Variants in VPS50 observed in about 807,000 individuals in gnomAD.
VPS50 encodes the protein VPS50 subunit of EARP/GARPII complex.
Under a neutral mutation model 139.7 loss-of-function variants are expected in VPS50, and 70 were observed. The observed-to-expected ratio is 0.50, with a 90% CI of 0.41 to 0.61. The LOEUF is 0.61. Among genes scored for constraint, VPS50 ranks in the 20% least tolerant of loss-of-function variants. The probability of loss-of-function intolerance (pLI) is 0.00; values close to 1 mark genes in which losing one functional copy is unlikely to be tolerated. For synonymous variants in VPS50, 365 were observed against 376.7 expected (o/e 0.97, Z 0.36); for missense variants, 921 against 1,133.7 (o/e 0.81, Z 2.69).
intron 10 of VPS50, among the ~76,000 whole-genome samples, chr7:93,271,902 T>C (rs1796022008): frequency 6.6e-6 from 1 of 151,806 alleles, no homozygotes. Flanking sequence ...GATTGGACTT[T>C]CAAATTACCT....
chr7:93,251,515 TG>T (rs1162930339), intron 2 of VPS50, among the ~76,000 whole-genome samples: 1 of 32,506 alleles, frequency 3.1e-5, no homozygotes, highest in Non-Finnish European at 5.8e-5. Flanking sequence ...TGGGGCTTAT[TG>T]GGGGGTGGGG....
At chr7:93,242,668 T>C (rs527678216) in intron 2 of VPS50, among the ~76,000 whole-genome samples, 16 of 152,114 alleles carry the variant, frequency 1.1e-4, no homozygotes, top group South Asian at 4.1e-4. Context: ...GCCTCACTTA[T>C]AACTGTAGGT....
intron 2 of VPS50, chr7:93,246,004 T>A: frequency 1.4e-6 from 1 of 707,946 alleles, no homozygotes; most frequent in Non-Finnish European, 2.4e-6. Flanking sequence ...ATGACTTTTG[T>A]AATACTGACT....
At chr7:93,295,706 TTTTC>T (rs1362028980) in intron 14 of VPS50, among the ~76,000 whole-genome samples, 11 of 152,126 alleles carry the variant, frequency 7.2e-5, no homozygotes, top group African/African-American at 9.7e-5. Flanking sequence ...CCATCTTTTT[TTTTC>T]TTTCTTTCTT....
intron 4 of VPS50, among the ~76,000 whole-genome samples, chr7:93,254,310 C>A (rs1312359946): frequency 2.0e-5 from 3 of 152,224 alleles, no homozygotes; most frequent in Non-Finnish European, 4.4e-5. Flanking sequence ...TGCTCTGTTG[C>A]CCAGGCTAGA....
At chr7:93,237,533 A>G (rs1165467919) in intron 1 of VPS50, among the ~76,000 whole-genome samples, 1 of 152,182 alleles carries the variant, frequency 6.6e-6, no homozygotes, top group Non-Finnish European at 1.5e-5. Flanking sequence ...GGTATATATC[A>G]CGTTTACATT....
intron 6 of VPS50, 132 bp from the exon 7 acceptor site, chr7:93,258,027 C>G (rs996400186): frequency 1.5e-5 from 9 of 581,808 alleles, no homozygotes; most frequent in Non-Finnish European, 2.7e-5. Flanking sequence ...GTACATTTGT[C>G]AAATAGTAGT....
intron 11 of VPS50, 95 bp from the exon 12 acceptor site, chr7:93,276,070 A>G (rs964766304): frequency 1.3e-5 from 15 of 1,156,454 alleles, no homozygotes; most frequent in African/African-American, 3.1e-5. Flanking sequence ...TGTAACTATT[A>G]TTTGAAAAGA....
At chr7:93,316,206 T>G (rs1037868868) in intron 20 of VPS50, among the ~76,000 whole-genome samples, 2 of 152,168 alleles carry the variant, frequency 1.3e-5, no homozygotes, top group African/African-American at 2.4e-5. Flanking sequence ...TTTGCTGGAA[T>G]GTAAGAAACA....
chr7:93,275,951 C>T (rs1584416464), intron 11 of VPS50: 1 of 511,518 alleles, frequency 2.0e-6, no homozygotes, highest in East Asian at 3.0e-5. Flanking sequence ...TCACGAGTCA[C>T]ATTTATTTTG....
chr7:93,328,793 G>T (rs1370993938), intron 21 of VPS50, among the ~76,000 whole-genome samples: 1 of 152,156 alleles, frequency 6.6e-6, no homozygotes, highest in Non-Finnish European at 1.5e-5. Context: ...ACTGAAAATA[G>T]TGGAGGACGC....
intron 22 of VPS50, among the ~76,000 whole-genome samples, chr7:93,338,869 A>G (rs1170234433): frequency 6.6e-6 from 1 of 152,144 alleles, no homozygotes; most frequent in East Asian, 1.9e-4. Flanking sequence ...CTCTCTATTC[A>G]TGGGCTTTTA....
At chr7:93,344,171 G>A (rs573461541) in intron 23 of VPS50, among the ~76,000 whole-genome samples, 2 of 152,186 alleles carry the variant, frequency 1.3e-5, no homozygotes, top group Non-Finnish European at 2.9e-5. Context: ...AAAGGCAGGG[G>A]TTGCAATCCT....
rs1416440006 is a variant in VPS50 at position 93,341,485 on chromosome 7, T to A, written c.2117T>A (p.Val706Glu). Residue 706 changes from valine to glutamate, a missense_variant, in exon 23 of 28, where the codon GTG (valine) becomes GAG (glutamate). Val to Glu is a moderately radical substitution (Grantham distance 121). Transcript: ENST00000305866. ...GCAGCAGAAGAAAGAAAGGAGAAGG[T>A]GCCAAGTCCACACCTCAGTCACCTA... Reference protein sequence around the residue: ...LTAAEERKEKVPSPHLSHLVV... With the variant: ...LTAAEERKEKEPSPHLSHLVV... 1.6e-5 allele frequency: 26 copies of A among 1,612,590 alleles called. No homozygotes were observed. In the Admixed American group the frequency reaches 4.3e-4, roughly 27 times the overall value.
intron 9 of VPS50, among the ~76,000 whole-genome samples, chr7:93,260,670 C>T (rs1283781543): frequency 6.7e-6 from 1 of 149,412 alleles, no homozygotes; most frequent in African/African-American, 2.5e-5. Flanking sequence ...ATTGAAGTTA[C>T]ATGTTTTTTT....
intron 12 of VPS50, among the ~76,000 whole-genome samples, chr7:93,278,590 C>CA (rs11445569): frequency 0.31 from 21,152 of 67,452 alleles, 3,329 homozygotes; most frequent in East Asian, 0.63. Context: ...GACTCTGTCT[C>CA]AAAAAAAAAA....
chr7:93,336,240 T>G (rs938514894), intron 22 of VPS50, among the ~76,000 whole-genome samples: 2 of 152,210 alleles, frequency 1.3e-5, no homozygotes, highest in African/African-American at 4.8e-5. Context: ...TTTCTCCATA[T>G]AGATATTCTA....
intron 4 of VPS50, among the ~76,000 whole-genome samples, chr7:93,255,826 A>G (rs1795468305): frequency 1.3e-5 from 2 of 152,138 alleles, no homozygotes; most frequent in South Asian, 4.1e-4. Flanking sequence ...GTGTTTCTGG[A>G]GCAAACTCCC....
rs1397368584 is a variant in VPS50 at position 93,276,156 on chromosome 7, T to G, written c.802-9T>G. On this transcript the variant is annotated splice_polypyrimidine_tract_variant and intron_variant, in intron 11 of 27. Coordinates refer to ENST00000305866, the MANE Select transcript of VPS50 (RefSeq NM_017667.4). ...TGAAATTATGTTGTGCGTTTTTTTC[T>G]TTCCACAGACAGCAATGGATCAACT... 1 of 1,572,484 alleles carries G rather than the reference T, an allele frequency of 6.4e-7. No homozygotes were observed. The highest frequency in any genetic ancestry group is 1.9e-5 in the Admixed American group (1 of 53,054).
Sources: gnomAD v4.1 joint callset for allele counts (sites outside exome capture counted in the v4.1 genomes callset) on GRCh38, gnomAD v4.1.1 for gene constraint, MANE v1.5 for transcripts, NCBI Gene and HGNC (gene_info 2026-07-23, HGNC 2026-07-21) for gene names.